The following SLC37A3 variants were observed in gnomAD, a reference collection of about 807,000 sequenced individuals.
SLC37A3 encodes the protein sugar phosphate exchanger 3.
Under a neutral mutation model 67.1 loss-of-function variants are expected in SLC37A3, and 51 were observed. The ratio of observed to expected loss-of-function variants is 0.76; its 90% CI spans 0.61 to 0.96. The LOEUF is 0.96. SLC37A3 is among the 40% of genes least tolerant of loss of function. The pLI, the probability that SLC37A3 is intolerant of heterozygous loss-of-function variation, is 0.00. For missense variants in SLC37A3, 508 were observed against 603.0 expected (o/e 0.84, Z 1.65); for synonymous variants, 214 against 231.4 (o/e 0.92, Z 0.68).
intron 10 of SLC37A3, among the ~76,000 whole-genome samples, chr7:140,347,831 C>T (rs893673013): frequency 6.6e-6 from 1 of 151,662 alleles, no homozygotes; most frequent in Admixed American, 6.6e-5. Context: ...AAAAATTAAT[C>T]CCTGCTGTTA....
At chr7:140,346,857 G>A (rs1427458932) in intron 10 of SLC37A3, among the ~76,000 whole-genome samples, 6 of 151,364 alleles carry the variant, frequency 4.0e-5, no homozygotes, top group Admixed American at 2.6e-4. Context: ...CGTGCTGCTT[G>A]AACCCAGGAG....
At chr7:140,338,052 G>A (rs530637132) in intron 13 of SLC37A3, among the ~76,000 whole-genome samples, 154 of 151,822 alleles carry the variant, frequency 1.0e-3, no homozygotes, top group Non-Finnish European at 1.7e-3. Context: ...CACCTCACCC[G>A]GCCAATTTTT....
chr7:140,340,595 G>A (rs1438643341), intron 13 of SLC37A3, among the ~76,000 whole-genome samples: 4 of 151,892 alleles, frequency 2.6e-5, no homozygotes, highest in African/African-American at 9.7e-5. Context: ...AAGCATGGGG[G>A]GCTCCAAACT....
At chr7:140,343,957 GA>G in intron 12 of SLC37A3, 1 of 234,114 alleles carries the variant, frequency 4.3e-6, no homozygotes, top group Non-Finnish European at 8.3e-6. Context: ...GAGCAAAGAG[GA>G]AAAAGCCACT....
At chr7:140,363,720 A>T (rs1479463039) in intron 5 of SLC37A3, among the ~76,000 whole-genome samples, 1 of 149,006 alleles carries the variant, frequency 6.7e-6, no homozygotes, top group Non-Finnish European at 1.5e-5. Context: ...AAATAAAAAA[A>T]AAAGAGCAAA....
At chr7:140,353,569 A>G (rs1467890858) in intron 7 of SLC37A3, among the ~76,000 whole-genome samples, 1 of 151,776 alleles carries the variant, frequency 6.6e-6, no homozygotes, top group Non-Finnish European at 1.5e-5. Context: ...ACATATAACC[A>G]TTGTTGTTCA....
rs755669142 is a variant in SLC37A3 at position 140,335,301 on chromosome 7, G to C, written c.*111C>G. On this transcript the variant is annotated 3_prime_UTR_variant, in exon 15 of 15. Transcript: ENST00000326232. ...TGGCTGGCAGTGTTGAGAGACGCCT[G>C]ACAATCCAAGATCAGGCTGGAGCTC... The C allele has an allele frequency of 2.5e-6, 4 of 1,614,088 alleles. No individual in the cohort carries two copies. Among genetic ancestry groups the C allele is most frequent in the Non-Finnish European group, 3.4e-6 (4 of 1,180,024 alleles).
chr7:140,392,641 A>C (rs777140248), intron 1 of SLC37A3, among the ~76,000 whole-genome samples: 17 of 152,188 alleles, frequency 1.1e-4, no homozygotes, highest in Non-Finnish European at 1.9e-4. Flanking sequence ...TAACCTCTGC[A>C]GGTAAATAGG....
intron 8 of SLC37A3, 53 bp from the exon 9 acceptor site, chr7:140,351,504 G>T: frequency 6.5e-7 from 1 of 1,534,866 alleles, no homozygotes; most frequent in South Asian, 1.2e-5. Flanking sequence ...CGTGTGAAGG[G>T]CTCTGCATAC....
intron 5 of SLC37A3, among the ~76,000 whole-genome samples, chr7:140,362,391 C>A (rs1298230517): frequency 7.2e-6 from 1 of 138,468 alleles, no homozygotes; most frequent in Non-Finnish European, 1.6e-5. Context: ...CGTCTCCGCC[C>A]GGCAGCCGCC....
Position 140,393,354 on chromosome 7 carries a change from T to A in SLC37A3, c.-71+5062A>T, listed in dbSNP as rs77701486. 2.6e-5 allele frequency among the ~76,000 whole-genome samples: 4 copies of A among 152,308 alleles called. No individual in the cohort carries two copies. In the East Asian group the frequency reaches 7.7e-4, roughly 29 times the overall value. ...AACACGTGCGCCGTCCTCACTGACATGAAGGAATCTTTAGATATTTAACCA... is the reference window on the plus strand; with the variant it reads ...AACACGTGCGCCGTCCTCACTGACAAGAAGGAATCTTTAGATATTTAACCA... On this transcript the variant is annotated intron_variant, in intron 1 of 14. Transcript: ENST00000326232.
At chr7:140,374,233 C>G (rs1042859332) in intron 3 of SLC37A3, among the ~76,000 whole-genome samples, 1 of 152,242 alleles carries the variant, frequency 6.6e-6, no homozygotes, top group East Asian at 1.9e-4. Flanking sequence ...CGGTGGCTCA[C>G]GCCTACAATC....
chr7:140,355,215 T>C (rs79444935), intron 7 of SLC37A3, among the ~76,000 whole-genome samples: 1 of 146,616 alleles, frequency 6.8e-6, no homozygotes, highest in African/African-American at 2.5e-5. Context: ...TTTTTTTTTT[T>C]AATTAATTTA....
At chr7:140,369,264 G>T (rs934877090) in intron 4 of SLC37A3, among the ~76,000 whole-genome samples, 6 of 152,018 alleles carry the variant, frequency 3.9e-5, no homozygotes, top group African/African-American at 1.5e-4. Flanking sequence ...TTCCTCCGTT[G>T]TACTTACCAC....
At chr7:140,348,565 C>A in intron 10 of SLC37A3, 61 bp downstream of exon 10, 1 of 1,523,840 alleles carries the variant, frequency 6.6e-7, no homozygotes, top group South Asian at 1.3e-5. Flanking sequence ...GATTTCACAA[C>A]CCAGTAAAAG....
intron 1 of SLC37A3, among the ~76,000 whole-genome samples, chr7:140,384,839 T>A (rs1798391285): frequency 6.6e-6 from 1 of 152,258 alleles, no homozygotes; most frequent in Non-Finnish European, 1.5e-5. Context: ...ATTCAAGAGC[T>A]CCAATACTCA....
intron 1 of SLC37A3, among the ~76,000 whole-genome samples, chr7:140,395,527 G>T (rs1268288353): frequency 6.6e-6 from 1 of 151,526 alleles, no homozygotes; most frequent in East Asian, 1.9e-4. Context: ...GGCGAATATG[G>T]CGAAACCCTG....
chr7:140,354,032 G>A (rs943316634), intron 7 of SLC37A3, among the ~76,000 whole-genome samples: 3 of 152,168 alleles, frequency 2.0e-5, no homozygotes, highest in African/African-American at 7.2e-5. Context: ...TTTTGAGATT[G>A]CTGCAGTGCA....
chr7:140,354,309 C>T (rs1796934415), intron 7 of SLC37A3, among the ~76,000 whole-genome samples: 1 of 152,192 alleles, frequency 6.6e-6, no homozygotes, highest in Non-Finnish European at 1.5e-5. Flanking sequence ...ATATTGACCC[C>T]TCCATGAGTT....
Sources: allele counts gnomAD v4.1 joint callset (sites outside exome capture counted in the v4.1 genomes callset), GRCh38; gene constraint gnomAD v4.1.1; transcripts MANE v1.5; gene names NCBI Gene and HGNC (gene_info 2026-07-23, HGNC 2026-07-21).